IFT122: variants seen among roughly 807,000 people sequenced by gnomAD.
IFT122 encodes intraflagellar transport 122, also known as intraflagellar transport protein 122 homolog.
IFT122 carries 118 observed loss-of-function variants against 161.6 expected under a neutral mutation model. The observed-to-expected ratio is 0.73, with a 90% CI of 0.63 to 0.85. The LOEUF is 0.85. IFT122 is among the 40% of genes least tolerant of loss of function. The pLI is 0.00. For synonymous variants in IFT122, 550 were observed against 602.4 expected (o/e 0.91, Z 1.27); for missense variants, 1,381 against 1,579.6 (o/e 0.87, Z 2.13).
Position 129,463,381 on chromosome 3 carries a change from C to T in IFT122, c.350-179C>T. 1.7e-5 allele frequency: 10 copies of T among 587,000 alleles called. No individual in the cohort carries two copies. In the South Asian group the frequency reaches 1.9e-4, roughly 11 times the overall value. 36.4% of individuals were successfully genotyped at this position (587,000 alleles called of 1,614,324 possible). On this transcript the variant is annotated intron_variant, in intron 5 of 29. Transcript: ENST00000348417. ...TCTCCATTTCTATAATTTTGTCATTCAAGAATGTTATATAAATGGAATCGT... is the reference window on the plus strand; with the variant it reads ...TCTCCATTTCTATAATTTTGTCATTTAAGAATGTTATATAAATGGAATCGT...
At position 129,507,486 on chromosome 3, in the gene IFT122, C is replaced by T. The variant is rs553374604; in HGVS notation, c.2792-182C>T. On this transcript the variant is annotated intron_variant, in intron 22 of 29. Coordinates refer to ENST00000348417, the MANE Select transcript of IFT122 (RefSeq NM_052989.3). Reference sequence around the variant, plus strand: ...AAGAATTCACCATCCTGGAGTGGCCCTACTCCTAAGCAGAGTGGCTTTCCC... The same window carrying T: ...AAGAATTCACCATCCTGGAGTGGCCTTACTCCTAAGCAGAGTGGCTTTCCC... Among the ~76,000 whole-genome samples the T allele has an allele frequency of 5.9e-5, 9 of 152,334 alleles. No individual in the cohort carries two copies. The South Asian group carries it at 1.0e-3, about 18-fold the overall frequency.
chr3:129,455,879 G>T (rs1228756464), intron 3 of IFT122, among the ~76,000 whole-genome samples: 2 of 151,144 alleles, frequency 1.3e-5, no homozygotes, highest in Non-Finnish European at 2.9e-5. Context: ...CATCTTCATT[G>T]TCTTCAGGTT....
intron 21 of IFT122, among the ~76,000 whole-genome samples, chr3:129,505,391 C>T (rs2108571823): frequency 6.6e-6 from 1 of 152,350 alleles, no homozygotes; most frequent in South Asian, 2.1e-4. Context: ...CCTGTTGGAG[C>T]CCCTCAACCG....
rs368330760 is a variant in IFT122 at position 129,476,411 on chromosome 3, T to G, written c.913T>G (p.Ser305Ala). ...ILLGGSDKQV[S>A]LFTKDGVRLG... ...GCTGGGGGGTTCAGACAAGCAAGTA[T>G]CTCTTTTCACCAAGGATGGAGTGCG... Residue 305 changes from serine (S) to alanine (A), a missense_variant, in exon 10 of 30, where the codon TCT becomes GCT. Around this residue, in one of 7 missense-constraint regions of IFT122, gnomAD observed 544 missense variants for 648.0 expected, o/e 0.84. Coordinates refer to ENST00000348417, the MANE Select transcript of IFT122 (RefSeq NM_052989.3). The G allele has an allele frequency of 3.5e-5, 57 of 1,614,008 alleles. No individual in the cohort carries two copies. The highest frequency in any genetic ancestry group is 4.7e-5 in the Non-Finnish European group (56 of 1,180,044).
intron 15 of IFT122, among the ~76,000 whole-genome samples, chr3:129,484,559 A>G (rs1452089362): frequency 2.6e-5 from 4 of 152,190 alleles, no homozygotes; most frequent in African/African-American, 7.2e-5. Context: ...ATTGCTACCT[A>G]TAGATGGAAC....
chr3:129,444,885 G>A (rs867697137), intron 1 of IFT122, among the ~76,000 whole-genome samples: 2 of 152,170 alleles, frequency 1.3e-5, no homozygotes, highest in African/African-American at 4.8e-5. Context: ...TAAAGGAAGC[G>A]TCAGGTCAAC....
chr3:129,461,850 A>G (rs568857816), intron 5 of IFT122, among the ~76,000 whole-genome samples: 1 of 152,336 alleles, frequency 6.6e-6, no homozygotes, highest in Non-Finnish European at 1.5e-5. Flanking sequence ...GCACTGGTGT[A>G]GTACTGGCAC....
chr3:129,483,503 G>A lies in IFT122; in HGVS notation c.1672G>A (p.Val558Ile), dbSNP rs767710310. ...TCCCCAGGAACCAAACGCCAACAGT[G>A]TAGCTTGGAACACCCAGTGTGAGGA... ...LLFQEPNANS[V>I]AWNTQCEDML... is the part of the protein sequence containing the mutation. The change falls in exon 15 of 30, where the codon GTA becomes ATA. Residue 558 changes from valine to isoleucine, a missense_variant. Transcript: ENST00000348417. 13 of 1,614,054 alleles carry A rather than the reference G, an allele frequency of 8.1e-6. No individual in the cohort carries two copies. Among genetic ancestry groups the A allele is most frequent in the Admixed American group, 1.7e-5 (1 of 60,010 alleles).
intron 23 of IFT122, among the ~76,000 whole-genome samples, chr3:129,510,714 G>A (rs1578111293): frequency 6.6e-6 from 1 of 152,178 alleles, no homozygotes; most frequent in African/African-American, 2.4e-5. Flanking sequence ...GACCTACATG[G>A]GACTAGGAGC....
intron 3 of IFT122, among the ~76,000 whole-genome samples, chr3:129,454,004 A>T (rs1229592227): frequency 6.6e-6 from 1 of 152,232 alleles, no homozygotes; most frequent in Non-Finnish European, 1.5e-5. Context: ...ACTGCCAAGA[A>T]GTCACAAAAT....
chr3:129,468,982 G>C (rs1328317209), intron 8 of IFT122, among the ~76,000 whole-genome samples: 2 of 152,176 alleles, frequency 1.3e-5, no homozygotes, highest in African/African-American at 4.8e-5. Context: ...ACATTTTCTA[G>C]TATGTAAGAG....
intron 20 of IFT122, chr3:129,504,087 C>T (rs2081935298): frequency 3.8e-6 from 2 of 530,012 alleles, no homozygotes; most frequent in Middle Eastern, 5.3e-4. Flanking sequence ...CAGAAACAGA[C>T]TGTGTTGTTA....
Position 129,514,491 on chromosome 3 carries a change from A to C in IFT122, c.3090A>C (p.Arg1030Ser). Residue 1030 changes from arginine to serine, a missense_variant, in exon 25 of 30, where the codon AGA (arginine) becomes AGC (serine). By Grantham distance (110) the Arg-to-Ser change is moderately radical. Coordinates refer to ENST00000348417, the MANE Select transcript of IFT122 (RefSeq NM_052989.3). ...DKLRGLYIPA[R>S]FQKSIELGTL... Reference sequence around the variant, plus strand: ...TGCGTGGCCTGTACATCCCTGCCAGATTCCAAAAGTCCATTGAGCTGGGTA... The same window carrying C: ...TGCGTGGCCTGTACATCCCTGCCAGCTTCCAAAAGTCCATTGAGCTGGGTA... 1 of 1,614,206 alleles carries C rather than the reference A, an allele frequency of 6.2e-7. No homozygotes were observed. The highest frequency in any genetic ancestry group is 8.5e-7 in the Non-Finnish European group (1 of 1,180,026).
intron 18 of IFT122, 123 bp from the exon 19 acceptor site, chr3:129,499,779 T>C: frequency 8.5e-7 from 1 of 1,179,368 alleles, no homozygotes; most frequent in Non-Finnish European, 1.3e-6. Flanking sequence ...GGCCGGGCCC[T>C]GCCTACCTCC....
intron 5 of IFT122, among the ~76,000 whole-genome samples, chr3:129,462,531 C>T (rs1260801045): frequency 2.6e-5 from 4 of 152,202 alleles, no homozygotes; most frequent in Non-Finnish European, 5.9e-5. Flanking sequence ...GCCTGCTCTG[C>T]TAAGCACTGC....
At chr3:129,442,511 C>T (rs1280607216) in intron 1 of IFT122, among the ~76,000 whole-genome samples, 2 of 150,506 alleles carry the variant, frequency 1.3e-5, no homozygotes, top group Non-Finnish European at 3.0e-5. Context: ...TTCTATAGAC[C>T]ATCAATCCTG....
intron 16 of IFT122, among the ~76,000 whole-genome samples, chr3:129,491,730 T>C (rs1376462548): frequency 3.3e-5 from 5 of 152,188 alleles, no homozygotes; most frequent in Non-Finnish European, 5.9e-5. Context: ...CTACCCATGT[T>C]GCCAAGATGT....
intron 2 of IFT122, 71 bp from the exon 3 acceptor site, chr3:129,451,843 C>T: frequency 7.9e-7 from 1 of 1,265,726 alleles, no homozygotes; most frequent in South Asian, 1.2e-5. Context: ...ACAAAAATAG[C>T]AGTAGCAACC....
chr3:129,447,069 C>G (rs1433780481), intron 1 of IFT122, among the ~76,000 whole-genome samples: 3 of 152,200 alleles, frequency 2.0e-5, no homozygotes, highest in African/African-American at 2.4e-5. Context: ...GTTCTAGCAA[C>G]ATCTTGCACA....
Sources: allele counts gnomAD v4.1 joint callset (sites outside exome capture counted in the v4.1 genomes callset), GRCh38; gene constraint gnomAD v4.1.1; regional missense constraint gnomAD v4.1.1; transcripts MANE v1.5; gene names NCBI Gene and HGNC (gene_info 2026-07-23, HGNC 2026-07-21).